NELL1: variants seen among roughly 807,000 people sequenced by gnomAD.
NELL1 encodes the protein neural EGFL like 1.
NELL1 carries 76 observed loss-of-function variants against 107.4 expected under a neutral mutation model. That is an observed-to-expected ratio of 0.71 (90% CI 0.59 to 0.86). NELL1 has a LOEUF of 0.86. NELL1 is among the 40% of genes least tolerant of loss of function. The pLI is 0.00. For missense variants in NELL1, 1,024 were observed against 1,005.5 expected (o/e 1.02, Z -0.25); for synonymous variants, 353 against 341.2 (o/e 1.03, Z -0.38).
chr11:20,862,749 T>TGC (rs1036519300), intron 4 of NELL1, among the ~76,000 whole-genome samples: 16 of 151,850 alleles, frequency 1.1e-4, no homozygotes, highest in Admixed American at 7.9e-4. Context: ...CAGAGGACCC[T>TGC]GGCCTTCCGC....
At chr11:20,714,194 A>ATT (rs34441596) in intron 2 of NELL1, among the ~76,000 whole-genome samples, 5,836 of 61,750 alleles carry the variant, frequency 0.095, 1,476 homozygotes, top group Non-Finnish European at 0.12. Context: ...TATCTCCCCG[A>ATT]TTTTTTTTTT....
At chr11:21,033,386 C>T (rs1410809187) in intron 12 of NELL1, among the ~76,000 whole-genome samples, 3 of 151,992 alleles carry the variant, frequency 2.0e-5, no homozygotes, top group Non-Finnish European at 4.4e-5. Context: ...TTCCCTCCTC[C>T]CACCCTCCAC....
intron 14 of NELL1, among the ~76,000 whole-genome samples, chr11:21,348,048 T>C (rs934029804): frequency 6.6e-6 from 1 of 152,224 alleles, no homozygotes; most frequent in Admixed American, 6.5e-5. Context: ...TGACCTGATG[T>C]GGCTAGAAGC....
chr11:21,255,267 T>G (rs528293612), intron 14 of NELL1, among the ~76,000 whole-genome samples: 1 of 152,262 alleles, frequency 6.6e-6, no homozygotes, highest in Admixed American at 6.5e-5. Flanking sequence ...TTAAGATTGT[T>G]GATAACCTGT....
chr11:21,236,410 A>G (rs1858208473), intron 14 of NELL1, among the ~76,000 whole-genome samples: 1 of 151,250 alleles, frequency 6.6e-6, no homozygotes, highest in African/African-American at 2.4e-5. Flanking sequence ...TAATTACTGC[A>G]GAATCTACAC....
chr11:21,391,338 C>T (rs1851874388), intron 15 of NELL1, among the ~76,000 whole-genome samples: 1 of 151,668 alleles, frequency 6.6e-6, no homozygotes, highest in South Asian at 2.1e-4. Context: ...TTGTGAGCAT[C>T]TATTGTTAAA....
rs192147551 is a variant in NELL1 at position 21,220,613 on chromosome 11, G to T, written c.1427-8719G>T. Among the ~76,000 whole-genome samples the T allele has an allele frequency of 6.2e-3, 943 of 151,784 alleles. 9 individuals carry two copies. The highest frequency in any genetic ancestry group is 0.024 in the Middle Eastern group (7 of 294). On this transcript the variant is annotated intron_variant, in intron 13 of 19. Transcript: ENST00000357134. The stretch of plus-strand genomic sequence containing the variant: ...CCTCCTTGGTTAAATTTATTCCTAG[G>T]TGTTTTTTTTGTAGCTATTGTAAAT...
chr11:21,461,814 G>A (rs1853907162), intron 15 of NELL1, among the ~76,000 whole-genome samples: 1 of 152,078 alleles, frequency 6.6e-6, no homozygotes, highest in Non-Finnish European at 1.5e-5. Context: ...AACTATTCTA[G>A]GGTTTAATCA....
At chr11:20,698,599 T>C (rs193116953) in intron 2 of NELL1, among the ~76,000 whole-genome samples, 276 of 152,338 alleles carry the variant, frequency 1.8e-3, no homozygotes, top group Non-Finnish European at 3.1e-3. Flanking sequence ...TTTTAAGGAT[T>C]AATTTAGATA....
intron 14 of NELL1, among the ~76,000 whole-genome samples, chr11:21,301,984 C>T (rs975103115): frequency 6.6e-6 from 1 of 152,004 alleles, no homozygotes; most frequent in African/African-American, 2.4e-5. Context: ...TATCTCAAAA[C>T]TGGCAAGTGG....
intron 9 of NELL1, among the ~76,000 whole-genome samples, chr11:20,931,303 C>T (rs534978109): frequency 6.6e-6 from 1 of 152,238 alleles, no homozygotes; most frequent in African/African-American, 2.4e-5. Flanking sequence ...TAGAAGTTGA[C>T]TTTTGTGGGT....
intron 13 of NELL1, among the ~76,000 whole-genome samples, chr11:21,124,179 T>C (rs1855435604): frequency 1.3e-5 from 2 of 152,144 alleles, no homozygotes; most frequent in Non-Finnish European, 2.9e-5. Context: ...TATATACATA[T>C]TATTATGAGA....
chr11:21,499,705 C>A (rs1554924221), intron 15 of NELL1, among the ~76,000 whole-genome samples: 1 of 152,042 alleles, frequency 6.6e-6, no homozygotes, highest in Non-Finnish European at 1.5e-5. Context: ...AGGATTTAAT[C>A]CAATTCAGTT....
rs1855878331 is a variant in NELL1 at position 21,527,214 on chromosome 11, A to G, written c.1646-7160A>G. ...AAAAGTGACCTTTAATCCAGTTCCC[A>G]AAAGTTCCTAATCTGCATCTGAGAC... is the stretch of plus-strand genomic sequence containing the variant. On this transcript the variant is annotated intron_variant, in intron 15 of 19. Coordinates refer to ENST00000357134, the MANE Select transcript of NELL1 (RefSeq NM_006157.5). 2.0e-5 allele frequency among the ~76,000 whole-genome samples: 3 copies of G among 152,138 alleles called. No homozygotes were observed. The South Asian group carries it at 6.2e-4, about 32-fold the overall frequency.
intron 14 of NELL1, among the ~76,000 whole-genome samples, chr11:21,353,443 T>G (rs569363824): frequency 8.5e-5 from 13 of 152,264 alleles, no homozygotes; most frequent in African/African-American, 3.1e-4. Context: ...ATTTGTCTGT[T>G]TTTCCACAGA....
intron 2 of NELL1, among the ~76,000 whole-genome samples, chr11:20,739,950 A>C (rs1022753215): frequency 6.6e-6 from 1 of 152,220 alleles, no homozygotes; most frequent in African/African-American, 2.4e-5. Context: ...CAGGAGGAAG[A>C]TTCAGAGAGG....
intron 7 of NELL1, among the ~76,000 whole-genome samples, chr11:20,922,408 G>A (rs951205012): frequency 6.6e-6 from 1 of 151,776 alleles, no homozygotes; most frequent in Non-Finnish European, 1.5e-5. Flanking sequence ...GGTTCAGTTG[G>A]TGAAGTCCTT....
rs1360115535 is a variant in NELL1, at chr11:21,309,264, A to ATATATATATATATG, written c.1550-61576_1550-61575insGTATATATATATAT. On this transcript the variant is annotated intron_variant, in intron 14 of 19. Coordinates refer to ENST00000357134, the MANE Select transcript of NELL1 (RefSeq NM_006157.5). ...ACCCACTCTAAATATATATATGTAT[A>ATATATATATATATG]TATATATATATATATGTATATATAT... 3.9e-4 allele frequency among the ~76,000 whole-genome samples: 13 copies of ATATATATATATATG among 33,242 alleles called. 1 individual carries two copies. Among genetic ancestry groups the ATATATATATATATG allele is most frequent in the African/African-American group, 8.3e-4 (8 of 9,620 alleles). The allele number at this position is 33,242 out of a possible 152,430, so 21.8% of individuals were successfully genotyped here. A position where few individuals can be genotyped will look rare whatever the true frequency, so the allele number is the denominator to read the frequency against.
chr11:21,186,875 T>G (rs1045710210), intron 13 of NELL1, among the ~76,000 whole-genome samples: 4 of 152,004 alleles, frequency 2.6e-5, no homozygotes, highest in African/African-American at 9.7e-5. Flanking sequence ...CAATCTGTTC[T>G]GAGTACAGAA....
Sources: gnomAD v4.1 joint callset for allele counts (sites outside exome capture counted in the v4.1 genomes callset) on GRCh38, gnomAD v4.1.1 for gene constraint, MANE v1.5 for transcripts, NCBI Gene and HGNC (gene_info 2026-07-23, HGNC 2026-07-21) for gene names.